GRID2: variants seen among roughly 807,000 people sequenced by gnomAD.
GRID2 encodes glutamate receptor ionotropic, delta-2.
A neutral mutation model predicts 114.8 loss-of-function variants in GRID2; 33 were observed. That is an observed-to-expected ratio of 0.29 (90% CI 0.22 to 0.38). The LOEUF is 0.38. Ranked by LOEUF, GRID2 falls within the 10% of genes least tolerant of loss-of-function variation. The probability of loss-of-function intolerance (pLI) is 1.00; values close to 1 mark genes in which losing one functional copy is unlikely to be tolerated. For missense variants in GRID2, 1,184 were observed against 1,257.7 expected (o/e 0.94, Z 0.89); for synonymous variants, 505 against 449.9 (o/e 1.12, Z -1.55).
At chr4:93,352,506 C>T (rs561644469) in intron 8 of GRID2, among the ~76,000 whole-genome samples, 1 of 152,048 alleles carries the variant, frequency 6.6e-6, no homozygotes, top group East Asian at 1.9e-4. Flanking sequence ...TATAAGTATT[C>T]ACATTTCCTA....
At chr4:92,663,282 G>A (rs916297980) in intron 2 of GRID2, among the ~76,000 whole-genome samples, 6 of 151,022 alleles carry the variant, frequency 4.0e-5, no homozygotes, top group Admixed American at 2.0e-4. Context: ...AAGGATTAGG[G>A]CATTAATAAA....
intron 4 of GRID2, among the ~76,000 whole-genome samples, chr4:93,124,531 G>A (rs1308148821): frequency 1.3e-5 from 2 of 152,146 alleles, no homozygotes; most frequent in African/African-American, 4.8e-5. Context: ...AGCAGCTATA[G>A]CAAATGGATC....
intron 2 of GRID2, among the ~76,000 whole-genome samples, chr4:92,676,631 G>T (rs1733386407): frequency 6.6e-6 from 1 of 152,002 alleles, no homozygotes; most frequent in South Asian, 2.1e-4. Context: ...TCCTCTGTAA[G>T]ATAAGATCCC....
chr4:93,748,243 T>C (rs776153741), intron 14 of GRID2, among the ~76,000 whole-genome samples: 7 of 152,148 alleles, frequency 4.6e-5, no homozygotes, highest in Non-Finnish European at 8.8e-5. Context: ...AGCCATCATC[T>C]AAGAACCTTG....
In GRID2 at chr4:92,449,674, CTG is replaced by C. The variant is rs1238260211; in HGVS notation, c.89-140456_89-140455del. ...AATCAAATATGTCTATCTTTTCTTA[CTG>C]ATATATATATATATATATATATATA... is the stretch of plus-strand genomic sequence containing the variant. On this transcript the variant is annotated intron_variant, in intron 1 of 15. Coordinates refer to ENST00000282020, the MANE Select transcript of GRID2 (RefSeq NM_001510.4). 1.7e-3 allele frequency among the ~76,000 whole-genome samples: 91 copies of C among 52,818 alleles called. 1 individual carries two copies. The highest frequency in any genetic ancestry group is 7.0e-3 in the African/African-American group (87 of 12,354). 34.7% of individuals were successfully genotyped at this position (52,818 alleles called of 152,430 possible). A position where few individuals can be genotyped will look rare whatever the true frequency, so the allele number is the denominator to read the frequency against.
chr4:92,858,463 A>T (rs984643963), intron 2 of GRID2, among the ~76,000 whole-genome samples: 2 of 152,234 alleles, frequency 1.3e-5, no homozygotes, highest in African/African-American at 4.8e-5. Flanking sequence ...ACAGATGTGG[A>T]TTTGCAAGAG....
At chr4:92,479,275 T>G (rs1722467288) in intron 1 of GRID2, among the ~76,000 whole-genome samples, 1 of 152,108 alleles carries the variant, frequency 6.6e-6, no homozygotes. Flanking sequence ...AGATACATAG[T>G]CCTCCTTAGT....
intron 2 of GRID2, among the ~76,000 whole-genome samples, chr4:92,752,108 A>G (rs1737479936): frequency 6.6e-6 from 1 of 152,226 alleles, no homozygotes; most frequent in Non-Finnish European, 1.5e-5. Flanking sequence ...TCTCTGAAGG[A>G]TTCTGAGAGA....
chr4:92,659,037 A>C (rs1320057390), intron 2 of GRID2, among the ~76,000 whole-genome samples: 1 of 150,066 alleles, frequency 6.7e-6, no homozygotes, highest in Non-Finnish European at 1.5e-5. Flanking sequence ...TTGTTTCTAC[A>C]GGACTTTCTG....
chr4:93,526,168 C>G (rs573534117), intron 13 of GRID2, among the ~76,000 whole-genome samples: 1 of 152,100 alleles, frequency 6.6e-6, no homozygotes, highest in African/African-American at 2.4e-5. Flanking sequence ...TAGTTTCTCC[C>G]GTGCTGTTCT....
At chr4:93,428,299 A>C (rs955819761) in intron 10 of GRID2, among the ~76,000 whole-genome samples, 1 of 152,066 alleles carries the variant, frequency 6.6e-6, no homozygotes, top group Admixed American at 6.6e-5. Flanking sequence ...AAAATACAGA[A>C]ATTAAATCTT....
intron 13 of GRID2, among the ~76,000 whole-genome samples, chr4:93,586,202 G>A (rs1001813556): frequency 2.0e-5 from 3 of 152,066 alleles, no homozygotes; most frequent in Non-Finnish European, 2.9e-5. Flanking sequence ...CATTTCTGCA[G>A]ATGTACCACC....
At chr4:92,916,435 G>T (rs994026626) in intron 2 of GRID2, among the ~76,000 whole-genome samples, 13 of 152,048 alleles carry the variant, frequency 8.5e-5, no homozygotes, top group African/African-American at 2.2e-4. Context: ...ATGTATACAC[G>T]TGCCATGTTG....
At chr4:93,130,752 A>T (rs985339772) in intron 4 of GRID2, among the ~76,000 whole-genome samples, 2 of 152,180 alleles carry the variant, frequency 1.3e-5, no homozygotes, top group African/African-American at 4.8e-5. Flanking sequence ...CCCACACCAT[A>T]TATAGCCTAA....
At chr4:93,406,243 T>C (rs891937665) in intron 9 of GRID2, among the ~76,000 whole-genome samples, 1 of 152,060 alleles carries the variant, frequency 6.6e-6, no homozygotes. Flanking sequence ...TTGGTAGAAA[T>C]GGACTTTGAT....
chr4:93,253,091 T>TACA (rs2149534593), intron 8 of GRID2, among the ~76,000 whole-genome samples: 1 of 52,788 alleles, frequency 1.9e-5, no homozygotes, highest in South Asian at 5.2e-4. Flanking sequence ...CTACTAAAAA[T>TACA]ACAAAAAAAA....
intron 1 of GRID2, among the ~76,000 whole-genome samples, chr4:92,384,461 TA>T (rs66637784): frequency 2.8e-4 from 13 of 45,914 alleles, no homozygotes; most frequent in East Asian, 9.7e-4. Flanking sequence ...TATATATATA[TA>T]TATATATATA....
At chr4:92,536,485 A>C (rs1214162227) in intron 1 of GRID2, among the ~76,000 whole-genome samples, 1 of 152,216 alleles carries the variant, frequency 6.6e-6, no homozygotes, top group South Asian at 2.1e-4. Context: ...TCCTATAAAT[A>C]CTGATAACTC....
At chr4:92,876,748 CAGGGAGCAGCAGAACA>C (rs1560661276) in intron 2 of GRID2, among the ~76,000 whole-genome samples, 2 of 152,170 alleles carry the variant, frequency 1.3e-5, no homozygotes, top group Non-Finnish European at 2.9e-5. Flanking sequence ...ACAAAACCCA[CAGGGAGCAGCAGAACA>C]CACAGGGAGG....
Sources: allele counts gnomAD v4.1 joint callset (sites outside exome capture counted in the v4.1 genomes callset), GRCh38; gene constraint gnomAD v4.1.1; transcripts MANE v1.5; gene names NCBI Gene and HGNC (gene_info 2026-07-23, HGNC 2026-07-21).